The following PPM1B variants were observed in gnomAD, a reference collection of about 807,000 sequenced individuals.
The protein encoded by PPM1B is protein phosphatase 1B.
PPM1B carries 22 observed loss-of-function variants against 43.0 expected under a neutral mutation model. The observed-to-expected ratio is 0.51, with a 90% confidence interval of 0.37 to 0.73. PPM1B has a LOEUF of 0.73. Among genes scored for constraint, PPM1B ranks in the 30% least tolerant of loss-of-function variants. PPM1B has a pLI of 0.00. For missense variants in PPM1B, 632 were observed against 584.2 expected (o/e 1.08, Z -0.84); for synonymous variants, 217 against 197.9 (o/e 1.10, Z -0.81).
chr2:44,235,152 T>C (rs1670576064), downstream of PPM1B, among the ~76,000 whole-genome samples: 1 of 152,214 alleles, frequency 6.6e-6, no homozygotes. Context: ...TTTTCTTAGT[T>C]TGTTATGTTA....
chr2:44,212,701 C>T (rs1365280889), intron 3 of PPM1B, among the ~76,000 whole-genome samples: 2 of 152,014 alleles, frequency 1.3e-5, no homozygotes, highest in Non-Finnish European at 2.9e-5. Context: ...TTATTAGTTA[C>T]ACATTCTTTA....
chr2:44,220,371 T>G (rs116665836), intron 5 of PPM1B, among the ~76,000 whole-genome samples: 3,109 of 152,128 alleles, frequency 0.02, 124 homozygotes, highest in African/African-American at 0.072. Flanking sequence ...CTTTTAAATT[T>G]TTTAAAAAGA....
intron 5 of PPM1B, among the ~76,000 whole-genome samples, chr2:44,243,704 G>A (rs1670798105): frequency 6.6e-6 from 1 of 151,942 alleles, no homozygotes; most frequent in Admixed American, 6.6e-5. Context: ...TTATCGTTTT[G>A]TGTTGTGTGT....
intron 1 of PPM1B, among the ~76,000 whole-genome samples, chr2:44,192,650 C>A (rs1416414168): frequency 6.6e-6 from 1 of 152,082 alleles, no homozygotes; most frequent in East Asian, 1.9e-4. Flanking sequence ...TATCTATCAC[C>A]TTACATAATT....
chr2:44,201,212 T>C lies in PPM1B; in HGVS notation c.13T>C (p.Leu5=). The change falls in exon 2 of 6, where the codon TTG becomes CTG. Residue 5 remains leucine, a synonymous_variant. Transcript: ENST00000282412. This position sits in a 1 kb window ranked among gnomAD's most constrained non-coding sequence, Gnocchi z 5.4. ...TTTATTGCTAAACATGGGTGCATTT[T>C]TGGATAAACCCAAAACTGAAAAACA... MGAF[L]DKPKTEKHNA... 1 of 1,586,750 alleles carries C rather than the reference T, an allele frequency of 6.3e-7. No homozygotes were observed. The highest frequency in any genetic ancestry group is 8.6e-7 in the Non-Finnish European group (1 of 1,164,664).
Position 44,230,595 on chromosome 2 carries a change from G to C in PPM1B, c.1317G>C (p.Ser439=). 1.2e-6 allele frequency: 2 copies of C among 1,614,126 alleles called. No homozygotes were observed. Among genetic ancestry groups the C allele is most frequent in the Non-Finnish European group, 8.5e-7 (1 of 1,179,994 alleles). The change falls in exon 6 of 6, where the codon TCG becomes TCC. Residue 439 remains serine (S), a synonymous_variant. Coordinates refer to ENST00000282412, the MANE Select transcript of PPM1B (RefSeq NM_002706.6). ...AACCAGCTGCCACAGCTACTTCTTC[G>C]AACAGTGATGCTGGAAACCCAGTGA... is the stretch of plus-strand genomic sequence containing the variant. ...PAEPAATATS[S]NSDAGNPVTM... is the part of the protein sequence containing the mutation.
chr2:44,178,946 T>A (rs1667725846), intron 1 of PPM1B, among the ~76,000 whole-genome samples: 1 of 152,164 alleles, frequency 6.6e-6, no homozygotes, highest in South Asian at 2.1e-4. Flanking sequence ...TAATTAGATA[T>A]TTTGCATTCT....
At chr2:44,232,486 C>A, downstream of PPM1B, 9 of 1,510,498 alleles carry the variant, frequency 6.0e-6, no homozygotes, top group Non-Finnish European at 7.1e-6. Context: ...ATTAGCATTT[C>A]CCATCATTTG....
intron 1 of PPM1B, among the ~76,000 whole-genome samples, chr2:44,195,394 T>A (rs542881986): frequency 6.6e-6 from 1 of 151,918 alleles, no homozygotes; most frequent in Non-Finnish European, 1.5e-5. Flanking sequence ...TTTTTTTTGG[T>A]AGAGATAGGG....
intron 1 of PPM1B, among the ~76,000 whole-genome samples, chr2:44,195,205 CT>C (rs571222223): frequency 7.9e-4 from 111 of 140,410 alleles, no homozygotes; most frequent in East Asian, 1.1e-3. Flanking sequence ...TTCTTTCTTT[CT>C]TTTTTTTTTT....
At chr2:44,200,670 CTT>C (rs1668889608) in intron 1 of PPM1B, among the ~76,000 whole-genome samples, 5 of 152,110 alleles carry the variant, frequency 3.3e-5, no homozygotes, top group African/African-American at 1.2e-4. Context: ...GAGGAGAAAT[CTT>C]GATTTCAATA....
chr2:44,239,890 GTTTTTGT>G (rs1488360528), intron 5 of PPM1B, among the ~76,000 whole-genome samples: 2 of 85,882 alleles, frequency 2.3e-5, no homozygotes, highest in Admixed American at 1.1e-4. Context: ...TTTTGTTTTT[GTTTTTGT>G]TTTTTTTTTT....
Position 44,201,742 on chromosome 2 carries a change from A to G in PPM1B, c.543A>G (p.Gln181=). ...PCNPREKERI[Q]NAGGSVMIQR... ...ATCCAAGGGAAAAGGAGCGAATCCA[A>G]AATGCAGGAGGCAGCGTGATGATAC... Residue 181 remains glutamine, a synonymous_variant, in exon 2 of 6, where the codon CAA becomes CAG. Transcript: ENST00000282412. This position sits in a 1 kb window ranked among gnomAD's most constrained non-coding sequence, Gnocchi z 5.4. The G allele has an allele frequency of 6.2e-7, 1 of 1,614,242 alleles. No homozygotes were observed. The highest frequency in any genetic ancestry group is 8.5e-7 in the Non-Finnish European group (1 of 1,180,034).
At chr2:44,216,589 G>A (rs1053264577) in intron 3 of PPM1B, among the ~76,000 whole-genome samples, 2 of 152,154 alleles carry the variant, frequency 1.3e-5, no homozygotes, top group Admixed American at 1.3e-4. Context: ...GGTCAGAGAA[G>A]GATTTGAGAA....
intron 2 of PPM1B, among the ~76,000 whole-genome samples, chr2:44,208,746 A>G (rs1307577431): frequency 6.6e-6 from 1 of 152,222 alleles, no homozygotes; most frequent in African/African-American, 2.4e-5. Flanking sequence ...TTAGTTTAGT[A>G]TTTTGGGTAT....
At chr2:44,192,181 T>G (rs1435587078) in intron 1 of PPM1B, among the ~76,000 whole-genome samples, 1 of 112,410 alleles carries the variant, frequency 8.9e-6, no homozygotes, top group African/African-American at 3.7e-5. Context: ...TTATGTTATG[T>G]TATGTTATGG....
chr2:44,206,609 A>G (rs1021808904), intron 2 of PPM1B, among the ~76,000 whole-genome samples: 2 of 152,276 alleles, frequency 1.3e-5, no homozygotes, highest in South Asian at 2.1e-4. Flanking sequence ...CACAATGCTC[A>G]TGTTGTTGTT....
At chr2:44,216,533 A>C (rs760386874) in intron 3 of PPM1B, among the ~76,000 whole-genome samples, 3 of 152,238 alleles carry the variant, frequency 2.0e-5, no homozygotes, top group Admixed American at 1.3e-4. Flanking sequence ...TATACAGTAC[A>C]TGTCATGCAT....
chr2:44,242,116 C>T (rs1670760235), intron 5 of PPM1B, among the ~76,000 whole-genome samples: 1 of 151,956 alleles, frequency 6.6e-6, no homozygotes, highest in Admixed American at 6.6e-5. Flanking sequence ...CCTCGGCCTC[C>T]CAAAGTGCTG....
Sources: allele counts gnomAD v4.1 joint callset (sites outside exome capture counted in the v4.1 genomes callset), GRCh38; gene constraint gnomAD v4.1.1; non-coding constraint Gnocchi (gnomAD v3.1); transcripts MANE v1.5; gene names NCBI Gene and HGNC (gene_info 2026-07-23, HGNC 2026-07-21).